TBC1D22A: variants seen among roughly 807,000 people sequenced by gnomAD.
TBC1D22A encodes the protein TBC1 domain family member 22A.
Under a neutral mutation model 60.2 loss-of-function variants are expected in TBC1D22A, and 38 were observed. The observed-to-expected ratio is 0.63, with a 90% CI of 0.49 to 0.83. The LOEUF is 0.83. Ranked by LOEUF, TBC1D22A falls within the 40% of genes least tolerant of loss-of-function variation. The probability of loss-of-function intolerance (pLI) is 0.00; values close to 1 mark genes in which losing one functional copy is unlikely to be tolerated. For missense variants in TBC1D22A, 628 were observed against 701.0 expected, an observed-to-expected ratio of 0.90 and a Z score of 1.18; for synonymous variants, 302 against 281.7, an observed-to-expected ratio of 1.07 and a Z score of -0.72.
intron 12 of TBC1D22A, among the ~76,000 whole-genome samples, chr22:47,115,390 G>A (rs2066002966): frequency 6.6e-6 from 1 of 151,088 alleles, no homozygotes; most frequent in Admixed American, 6.6e-5. Context: ...GTCCAGTGGG[G>A]CCTCTCCGCT....
intron 11 of TBC1D22A, among the ~76,000 whole-genome samples, chr22:47,054,492 G>C (rs1266075921): frequency 6.6e-6 from 1 of 152,198 alleles, no homozygotes; most frequent in Non-Finnish European, 1.5e-5. Flanking sequence ...TCTCCACAGA[G>C]CTGGCTCCAG....
At chr22:46,919,318 C>T (rs777121521) in intron 8 of TBC1D22A, among the ~76,000 whole-genome samples, 4 of 152,214 alleles carry the variant, frequency 2.6e-5, no homozygotes, top group Non-Finnish European at 4.4e-5. Flanking sequence ...GGTTCATCCA[C>T]GCAGCGTGAA....
chr22:46,824,496 A>T (rs1048947413), intron 4 of TBC1D22A, among the ~76,000 whole-genome samples: 21 of 152,226 alleles, frequency 1.4e-4, no homozygotes, highest in African/African-American at 5.1e-4. Flanking sequence ...GAGGGAGGGG[A>T]ATCAGAGCTG....
chr22:46,941,747 T>G (rs1321787129), intron 8 of TBC1D22A, among the ~76,000 whole-genome samples: 1 of 147,132 alleles, frequency 6.8e-6, no homozygotes, highest in Non-Finnish European at 1.5e-5. Context: ...AATATATATA[T>G]GCGGAATATA....
At chr22:46,841,496 G>C (rs73182689) in intron 4 of TBC1D22A, among the ~76,000 whole-genome samples, 1,820 of 152,336 alleles carry the variant, frequency 0.012, 13 homozygotes, top group Non-Finnish European at 0.018. Flanking sequence ...GAGTGAGACA[G>C]TGATATTATT....
At chr22:46,922,054 G>C (rs6009057) in intron 8 of TBC1D22A, among the ~76,000 whole-genome samples, 2,152 of 152,240 alleles carry the variant, frequency 0.014, 47 homozygotes, top group African/African-American at 0.05. Context: ...AATCTATCTT[G>C]AGTTGATTTT....
chr22:47,048,845 C>T (rs1302464251), intron 11 of TBC1D22A, among the ~76,000 whole-genome samples: 1 of 152,218 alleles, frequency 6.6e-6, no homozygotes, highest in Non-Finnish European at 1.5e-5. Flanking sequence ...ACCCTTTGGA[C>T]ATCGCAGCCC....
At chr22:46,907,812 T>A (rs1342685999) in intron 7 of TBC1D22A, among the ~76,000 whole-genome samples, 3 of 152,132 alleles carry the variant, frequency 2.0e-5, no homozygotes, top group Non-Finnish European at 2.9e-5. Context: ...GAGCTGCTGC[T>A]TTGGGTAGGG....
At chr22:46,858,224 T>G (rs2087669611) in intron 4 of TBC1D22A, among the ~76,000 whole-genome samples, 1 of 152,240 alleles carries the variant, frequency 6.6e-6, no homozygotes, top group African/African-American at 2.4e-5. Flanking sequence ...GGATGGCTCT[T>G]AAGTTTGAGA....
intron 12 of TBC1D22A, among the ~76,000 whole-genome samples, chr22:47,165,477 C>T (rs2068168848): frequency 6.6e-6 from 1 of 152,086 alleles, no homozygotes; most frequent in African/African-American, 2.4e-5. Flanking sequence ...GCTTGTCCTC[C>T]AGGGACAGTG....
intron 7 of TBC1D22A, among the ~76,000 whole-genome samples, chr22:46,895,673 C>G (rs993903641): frequency 2.6e-5 from 4 of 152,138 alleles, no homozygotes; most frequent in African/African-American, 9.7e-5. Context: ...CGCCCGGCGT[C>G]TCTCATTGTT....
At chr22:47,158,160 C>T (rs1206889314) in intron 12 of TBC1D22A, among the ~76,000 whole-genome samples, 9 of 152,222 alleles carry the variant, frequency 5.9e-5, no homozygotes, top group Non-Finnish European at 1.0e-4. Flanking sequence ...CTGCACCCAG[C>T]CCCTCCCTGA....
intron 8 of TBC1D22A, among the ~76,000 whole-genome samples, chr22:46,926,661 T>C (rs544509462): frequency 1.3e-5 from 2 of 152,328 alleles, no homozygotes; most frequent in South Asian, 4.1e-4. Context: ...TAGGTGGGCC[T>C]CCTAATCTAA....
intron 8 of TBC1D22A, among the ~76,000 whole-genome samples, chr22:46,952,748 G>T (rs1441024291): frequency 6.6e-6 from 1 of 152,148 alleles, no homozygotes; most frequent in Non-Finnish European, 1.5e-5. Context: ...TGCCCAGTCT[G>T]CTGAAACCTG....
At chr22:46,885,691 C>G (rs2068077586) in intron 5 of TBC1D22A, among the ~76,000 whole-genome samples, 1 of 152,080 alleles carries the variant, frequency 6.6e-6, no homozygotes, top group Admixed American at 6.6e-5. Flanking sequence ...ACTGCCCCCC[C>G]TTGTAATTTT....
At chr22:46,982,334 C>T (rs1028295353) in intron 9 of TBC1D22A, among the ~76,000 whole-genome samples, 2 of 151,932 alleles carry the variant, frequency 1.3e-5, no homozygotes, top group African/African-American at 4.8e-5. Context: ...AGCAATTCTC[C>T]TGCCTCAGCT....
intron 9 of TBC1D22A, among the ~76,000 whole-genome samples, chr22:46,976,114 C>T (rs1241813702): frequency 6.6e-6 from 1 of 152,188 alleles, no homozygotes; most frequent in African/African-American, 2.4e-5. Flanking sequence ...AATGTCGCTT[C>T]TCTGATGGTG....
chr22:47,132,337 C>T (rs1197045667), intron 12 of TBC1D22A, among the ~76,000 whole-genome samples: 2 of 152,224 alleles, frequency 1.3e-5, no homozygotes, highest in Non-Finnish European at 2.9e-5. Flanking sequence ...TGCCCCTACT[C>T]CTGCTTCCTT....
At chr22:46,882,917 A>G (rs1286810588) in intron 5 of TBC1D22A, among the ~76,000 whole-genome samples, 3 of 152,268 alleles carry the variant, frequency 2.0e-5, no homozygotes, top group African/African-American at 4.8e-5. Flanking sequence ...ATGAGTGGGC[A>G]GTGCCACTTC....
Sources: allele counts gnomAD v4.1 joint callset (sites outside exome capture counted in the v4.1 genomes callset), GRCh38; gene constraint gnomAD v4.1.1; transcripts MANE v1.5; gene names NCBI Gene and HGNC (gene_info 2026-07-23, HGNC 2026-07-21).